KCTD1: variants seen among roughly 807,000 people sequenced by gnomAD.
KCTD1 encodes the protein potassium channel tetramerization domain containing 1.
Under a neutral mutation model 66.0 loss-of-function variants are expected in KCTD1, and 24 were observed. The ratio of observed to expected loss-of-function variants is 0.36; its 90% CI spans 0.26 to 0.51. KCTD1 has a LOEUF of 0.51. Ranked by LOEUF, KCTD1 falls within the 20% of genes least tolerant of loss-of-function variation. KCTD1 has a pLI of 0.95. For synonymous variants in KCTD1, 511 were observed against 517.2 expected (o/e 0.99, Z 0.16); for missense variants, 943 against 1,205.2 (o/e 0.78, Z 3.22).
chr18:26,623,872 G>A (rs984762261), intron 1 of KCTD1, among the ~76,000 whole-genome samples: 4 of 152,206 alleles, frequency 2.6e-5, no homozygotes, highest in African/African-American at 9.7e-5. Flanking sequence ...GAGGGCTCAG[G>A]AGACAGGAAG....
At chr18:26,643,722 G>A (rs1987875059), upstream of KCTD1, among the ~76,000 whole-genome samples, 1 of 152,164 alleles carries the variant, frequency 6.6e-6, no homozygotes, top group Non-Finnish European at 1.5e-5. Context: ...CAGCACTTTG[G>A]GAGGCCAAGG....
intron 1 of KCTD1, among the ~76,000 whole-genome samples, chr18:26,527,376 T>C (rs1247386452): frequency 1.3e-5 from 2 of 151,990 alleles, no homozygotes; most frequent in South Asian, 2.1e-4. Context: ...AATTTTTCTT[T>C]TGTGTACTCA....
chr18:26,599,902 G>GA (rs1223702550), intron 1 of KCTD1: 2 of 1,559,320 alleles, frequency 1.3e-6, no homozygotes, highest in African/African-American at 2.7e-5. Context: ...GCAAAACTTT[G>GA]AAGTGGGTTC....
At position 26,605,768 on chromosome 18, in the gene KCTD1, C is replaced by CTATA. The variant is rs1555646522; in HGVS notation, c.-16+23375_-16+23378dup. Among the ~76,000 whole-genome samples the CTATA allele has an allele frequency of 2.6e-3, 345 of 134,102 alleles. 1 individual carries two copies. Among genetic ancestry groups the CTATA allele is most frequent in the African/African-American group, 8.9e-3 (322 of 36,044 alleles). The allele number at this position is 134,102 out of a possible 152,430, so 88.0% of individuals were successfully genotyped here. ...TCTATCTATCTATCTATCTATCTAT[C>CTATA]TATATTACATCTTAGTAACTGTGGT... On this transcript the variant is annotated intron_variant, in intron 1 of 4. Coordinates refer to the KCTD1 transcript ENST00000317932.
chr18:26,619,559 T>C (rs1220962500), intron 1 of KCTD1, among the ~76,000 whole-genome samples: 1 of 152,202 alleles, frequency 6.6e-6, no homozygotes, highest in Non-Finnish European at 1.5e-5. Flanking sequence ...TAGGCTTCCA[T>C]AGCCACGTGT....
chr18:26,480,624 C>G (rs892085095), intron 2 of KCTD1, among the ~76,000 whole-genome samples: 1 of 151,960 alleles, frequency 6.6e-6, no homozygotes, highest in East Asian at 1.9e-4. Context: ...AAAAATTAGC[C>G]GGGCGTGGTG....
chr18:26,555,210 G>T (rs965863618), intron 1 of KCTD1, among the ~76,000 whole-genome samples: 2 of 152,200 alleles, frequency 1.3e-5, no homozygotes, highest in Admixed American at 1.3e-4. Flanking sequence ...AAATAAAGTG[G>T]TCTACTAAGT....
chr18:26,549,394 G>A, upstream of KCTD1: 2 of 985,546 alleles, frequency 2.0e-6, no homozygotes, highest in South Asian at 4.7e-5. Flanking sequence ...TAAAGACCTG[G>A]GGCGCTCCCC....
chr18:26,588,847 T>C (rs539487691), intron 1 of KCTD1, among the ~76,000 whole-genome samples: 2 of 135,070 alleles, frequency 1.5e-5, no homozygotes, highest in South Asian at 2.4e-4. Flanking sequence ...GCAGAACTCC[T>C]TTTTCACAAG....
intron 1 of KCTD1, among the ~76,000 whole-genome samples, chr18:26,654,920 A>G (rs968331662): frequency 1.3e-5 from 2 of 152,224 alleles, no homozygotes. Context: ...CCTGAATATC[A>G]GCCCCTCGTA....
At chr18:26,457,004 T>G (rs552926912) in intron 4 of KCTD1, 32 of 151,566 alleles carry the variant, frequency 2.1e-4, no homozygotes, top group African/African-American at 7.3e-4. Context: ...CAATGTAAAG[T>G]GAATCCTTAC....
At chr18:26,482,681 C>T (rs1981710555) in intron 2 of KCTD1, among the ~76,000 whole-genome samples, 1 of 152,190 alleles carries the variant, frequency 6.6e-6, no homozygotes, top group Admixed American at 6.5e-5. Flanking sequence ...CCTCATGAAC[C>T]AAGGCATGTA....
intron 1 of KCTD1, among the ~76,000 whole-genome samples, chr18:26,567,490 T>G (rs1180186227): frequency 6.7e-3 from 456 of 67,696 alleles, no homozygotes; most frequent in Non-Finnish European, 0.014. Context: ...TTGTTGTTGT[T>G]TTTTTTTTTT....
At chr18:26,656,628 C>T (rs1376146969) in intron 1 of KCTD1, among the ~76,000 whole-genome samples, 1 of 151,278 alleles carries the variant, frequency 6.6e-6, no homozygotes, top group Non-Finnish European at 1.5e-5. Flanking sequence ...GAAAAACCGC[C>T]CCGGGCCCCA....
chr18:26,498,508 A>G (rs1368140331), intron 2 of KCTD1, among the ~76,000 whole-genome samples: 1 of 150,702 alleles, frequency 6.6e-6, no homozygotes, highest in Admixed American at 6.7e-5. Flanking sequence ...AACAAGTAAA[A>G]TTAATTTTAA....
At chr18:26,460,627 G>T (rs956790080) in intron 3 of KCTD1, among the ~76,000 whole-genome samples, 8 of 152,172 alleles carry the variant, frequency 5.3e-5, no homozygotes, top group African/African-American at 1.9e-4. Context: ...TAGAGTCAGA[G>T]ACATAAACAA....
upstream of KCTD1, among the ~76,000 whole-genome samples, chr18:26,552,647 G>A (rs562111352): frequency 6.6e-6 from 1 of 152,210 alleles, no homozygotes; most frequent in Non-Finnish European, 1.5e-5. Flanking sequence ...AGTGGAACAT[G>A]CTTTAGAAAC....
chr18:26,462,227 C>T (rs1980472248), intron 3 of KCTD1, among the ~76,000 whole-genome samples: 1 of 152,188 alleles, frequency 6.6e-6, no homozygotes, highest in African/African-American at 2.4e-5. Context: ...GAAACACTGG[C>T]CCTTTTCAGA....
intron 1 of KCTD1, among the ~76,000 whole-genome samples, chr18:26,513,127 G>A (rs955455164): frequency 1.1e-4 from 14 of 129,132 alleles, no homozygotes; most frequent in South Asian, 2.4e-4. Flanking sequence ...TCGCTGTGTT[G>A]CCCAGGCTGG....
Sources: allele counts gnomAD v4.1 joint callset (sites outside exome capture counted in the v4.1 genomes callset), GRCh38; gene constraint gnomAD v4.1.1; transcripts MANE v1.5; gene names NCBI Gene and HGNC (gene_info 2026-07-23, HGNC 2026-07-21).